RIMBP2: variants seen among roughly 807,000 people sequenced by gnomAD.
RIMBP2 encodes RIMS-binding protein 2.
A neutral mutation model predicts 118.6 loss-of-function variants in RIMBP2; 48 were observed. The observed-to-expected ratio is 0.40, with a 90% CI of 0.32 to 0.51. The LOEUF (loss-of-function observed/expected upper bound fraction) is 0.51, where lower values mean the gene tolerates loss of function less well. RIMBP2 is among the 20% of genes least tolerant of loss of function. The pLI, the probability that RIMBP2 is intolerant of heterozygous loss-of-function variation, is 0.41. For missense variants in RIMBP2, 1,551 were observed against 1,768.3 expected, an observed-to-expected ratio of 0.88 and a Z score of 2.20; for synonymous variants, 762 against 742.9, an observed-to-expected ratio of 1.03 and a Z score of -0.42.
chr12:130,468,715 A>C (rs2080737637), intron 6 of RIMBP2, among the ~76,000 whole-genome samples: 1 of 152,102 alleles, frequency 6.6e-6, no homozygotes, highest in Non-Finnish European at 1.5e-5. Context: ...TTGAATTCTG[A>C]TGACCAGTAA....
At chr12:130,649,381 G>A (rs1050932544) in intron 1 of RIMBP2, among the ~76,000 whole-genome samples, 1 of 152,204 alleles carries the variant, frequency 6.6e-6, no homozygotes, top group Admixed American at 6.5e-5. Flanking sequence ...CAACCCCTGG[G>A]GCCTCATGGC....
chr12:130,399,114 C>G (rs185943540), intron 22 of RIMBP2: 1 of 1,382,794 alleles, frequency 7.2e-7, no homozygotes, highest in Admixed American at 2.6e-5. Context: ...TGCTCACTTA[C>G]GTGAAGGCTA....
rs1555251132 is a variant in RIMBP2 at position 130,441,402 on chromosome 12, A to AATAATC, written c.1504+445_1504+446insGATTAT. ...GGTGACAGAGCGAGACTCCATCTCA[A>AATAATC]ATAATAATAATAATAATAATAATAA... On this transcript the variant is annotated intron_variant, in intron 11 of 22. Transcript: ENST00000690449. Among the ~76,000 whole-genome samples, 5 of 37,932 alleles carry AATAATC rather than the reference A, an allele frequency of 1.3e-4. No homozygotes were observed. In the East Asian group the frequency reaches 1.3e-3, roughly 10 times the overall value. 24.9% of individuals were successfully genotyped at this position (37,932 alleles called of 152,430 possible).
intron 1 of RIMBP2, among the ~76,000 whole-genome samples, chr12:130,709,105 C>T (rs1397868482): frequency 1.3e-5 from 2 of 152,266 alleles, no homozygotes; most frequent in African/African-American, 4.8e-5. Flanking sequence ...TGCATTGCTG[C>T]ATTTGAGCTG....
chr12:130,615,285 ATATATATATATG>A (rs1190642701), intron 2 of RIMBP2, among the ~76,000 whole-genome samples: 6 of 133,136 alleles, frequency 4.5e-5, no homozygotes, highest in East Asian at 2.1e-4. Context: ...ACATATATAT[ATATATATATATG>A]TGTACACACA....
intron 2 of RIMBP2, among the ~76,000 whole-genome samples, chr12:130,604,471 C>CCACTCACT (rs140093680): frequency 4.0e-4 from 54 of 134,064 alleles, no homozygotes; most frequent in African/African-American, 1.2e-3. Context: ...CATTCACTCT[C>CCACTCACT]CACTCACTCA....
intron 3 of RIMBP2, among the ~76,000 whole-genome samples, chr12:130,515,843 G>A (rs145373979): frequency 5.9e-5 from 9 of 152,034 alleles, no homozygotes; most frequent in East Asian, 1.9e-4. Context: ...GATTCCAGGC[G>A]TGCACCACCA....
chr12:130,605,842 T>C (rs949066604), intron 2 of RIMBP2, among the ~76,000 whole-genome samples: 1 of 152,152 alleles, frequency 6.6e-6, no homozygotes, highest in Non-Finnish European at 1.5e-5. Flanking sequence ...GGTGGGCAGA[T>C]CATTTGAGGT....
At chr12:130,510,817 G>A (rs186508791) in intron 3 of RIMBP2, among the ~76,000 whole-genome samples, 1 of 152,192 alleles carries the variant, frequency 6.6e-6, no homozygotes, top group Admixed American at 6.5e-5. Flanking sequence ...TTATGGTTTT[G>A]CATTTCTTTG....
Position 130,501,991 on chromosome 12 carries a change from T to C in RIMBP2, c.-4+4657A>G, listed in dbSNP as rs1052305593. On this transcript the variant is annotated intron_variant, in intron 4 of 22. Transcript: ENST00000690449. ...CTGAGCCTTGCTTTGGCCAACGGAA[T>C]TCGAGAAGTGCCTTGCCCCATTCAA... 7.2e-5 allele frequency among the ~76,000 whole-genome samples: 11 copies of C among 152,336 alleles called. No homozygotes were observed. The East Asian group carries it at 2.1e-3, about 29-fold the overall frequency.
chr12:130,481,821 TC>T (rs2082033503), intron 4 of RIMBP2, among the ~76,000 whole-genome samples: 1 of 152,016 alleles, frequency 6.6e-6, no homozygotes, highest in South Asian at 2.1e-4. Flanking sequence ...CCTCCCGAGA[TC>T]CGCCCTGACA....
intron 4 of RIMBP2, among the ~76,000 whole-genome samples, chr12:130,481,466 T>A (rs900867306): frequency 6.6e-6 from 1 of 152,130 alleles, no homozygotes; most frequent in East Asian, 1.9e-4. Flanking sequence ...TCATCTACAT[T>A]TTTAAGCTGA....
rs114184057 is a variant in RIMBP2, at chr12:130,497,358, G to T, written c.-4+9290C>A. ...TGATTCTGCTCACAGCCTCTGGTGGGTCCACCAGTCCCTGCCTCTAACTGC... is the reference window on the plus strand; with the variant it reads ...TGATTCTGCTCACAGCCTCTGGTGGTTCCACCAGTCCCTGCCTCTAACTGC... On this transcript the variant is annotated intron_variant, in intron 4 of 22. Coordinates refer to ENST00000690449, the MANE Select transcript of RIMBP2 (RefSeq NM_001393629.1). 8.8e-3 allele frequency among the ~76,000 whole-genome samples: 1,343 copies of T among 152,276 alleles called. 16 individuals are homozygous for T. Among genetic ancestry groups the T allele is most frequent in the African/African-American group, 0.031 (1,275 of 41,552 alleles).
At chr12:130,572,819 C>T (rs781721147) in intron 2 of RIMBP2, among the ~76,000 whole-genome samples, 7 of 151,994 alleles carry the variant, frequency 4.6e-5, no homozygotes, top group Non-Finnish European at 8.8e-5. Context: ...ACTGTCACCA[C>T]GGGACGGGGC....
chr12:130,595,897 AGT>A (rs1301250391), intron 2 of RIMBP2, among the ~76,000 whole-genome samples: 1 of 152,252 alleles, frequency 6.6e-6, no homozygotes, highest in African/African-American at 2.4e-5. Context: ...CAACGTACCC[AGT>A]GTGGATATTG....
chr12:130,509,647 T>C (rs534394601), intron 3 of RIMBP2, among the ~76,000 whole-genome samples: 1 of 152,160 alleles, frequency 6.6e-6, no homozygotes, highest in East Asian at 1.9e-4. Context: ...CCTGTACCCA[T>C]AGCAGGTGGC....
At chr12:130,479,262 C>T (rs964924986) in intron 4 of RIMBP2, among the ~76,000 whole-genome samples, 1 of 152,214 alleles carries the variant, frequency 6.6e-6, no homozygotes, top group Non-Finnish European at 1.5e-5. Context: ...CCAAATGCAG[C>T]GAGCATTTGA....
intron 2 of RIMBP2, among the ~76,000 whole-genome samples, chr12:130,569,407 C>T (rs942320767): frequency 5.3e-5 from 8 of 152,184 alleles, no homozygotes; most frequent in African/African-American, 7.2e-5. Context: ...AAAAACTCAC[C>T]GCACTCCAGT....
At position 130,505,151 on chromosome 12, in the gene RIMBP2, T is replaced by C. The variant is rs545366078; in HGVS notation, c.-4+1497A>G. Among the ~76,000 whole-genome samples the C allele has an allele frequency of 9.2e-5, 14 of 152,216 alleles. No individual in the cohort carries two copies. In the South Asian group the frequency reaches 2.9e-3, roughly 32 times the overall value. On this transcript the variant is annotated intron_variant, in intron 4 of 22. Coordinates refer to ENST00000690449, the MANE Select transcript of RIMBP2 (RefSeq NM_001393629.1). ...GTGGTAGCACCTCCTCTCTTGAGGGTTACATCCTGAAAACTTAGAGCACAC... is the reference window on the plus strand; with the variant it reads ...GTGGTAGCACCTCCTCTCTTGAGGGCTACATCCTGAAAACTTAGAGCACAC...
Sources: allele counts gnomAD v4.1 joint callset (sites outside exome capture counted in the v4.1 genomes callset), GRCh38; gene constraint gnomAD v4.1.1; transcripts MANE v1.5; gene names NCBI Gene and HGNC (gene_info 2026-07-23, HGNC 2026-07-21).